BCAS3: variants seen among roughly 807,000 people sequenced by gnomAD.
BCAS3 encodes the protein BCAS3 microtubule associated cell migration factor.
Under a neutral mutation model 116.1 loss-of-function variants are expected in BCAS3, and 53 were observed. The observed-to-expected ratio is 0.46, with a 90% confidence interval of 0.37 to 0.57. The LOEUF is 0.57. Among genes scored for constraint, BCAS3 ranks in the 20% least tolerant of loss-of-function variants. The pLI is 0.00. For missense variants in BCAS3, 917 were observed against 1,165.4 expected, an observed-to-expected ratio of 0.79 and a Z score of 3.10; for synonymous variants, 391 against 408.2, an observed-to-expected ratio of 0.96 and a Z score of 0.51.
At position 60,967,949 on chromosome 17, in the gene BCAS3, TTTGTTGTTGTTG is replaced by T. The variant is rs58004084; in HGVS notation, c.1221+20615_1221+20626del. Among the ~76,000 whole-genome samples the T allele has an allele frequency of 4.6e-5, 7 of 151,370 alleles. No individual in the cohort carries two copies. The highest frequency in any genetic ancestry group is 2.6e-4 in the Admixed American group (4 of 15,210). On this transcript the variant is annotated intron_variant, in intron 14 of 23. Coordinates refer to ENST00000407086, the MANE Select transcript of BCAS3 (RefSeq NM_017679.5). This position sits in a 1 kb window ranked among gnomAD's most constrained non-coding sequence, Gnocchi z 4.7. ...AATTTCTGAATTGCTTTTCTGTGTGTTTGTTGTTGTTGTTGTTGTTGTTGTTGTTTTGGAGAT... is the reference window on the plus strand; with the variant it reads ...AATTTCTGAATTGCTTTTCTGTGTGTTTGTTGTTGTTGTTGTTTTGGAGAT...
At chr17:60,811,615 A>C (rs1216124271) in intron 7 of BCAS3, among the ~76,000 whole-genome samples, 1 of 152,258 alleles carries the variant, frequency 6.6e-6, no homozygotes, top group Non-Finnish European at 1.5e-5. Flanking sequence ...GTGTTCTAAG[A>C]ACTAAATGAA....
rs1430504791 is a variant in BCAS3 at position 61,256,404 on chromosome 17, A to G, written c.2426-111923A>G. 6.6e-6 allele frequency among the ~76,000 whole-genome samples: 1 copy of G among 152,078 alleles called. No individual in the cohort carries two copies. The highest frequency in any genetic ancestry group is 1.5e-5 in the Non-Finnish European group (1 of 68,010). ...CTGCAACCTCCGCCTCTGGGGTTCA[A>G]GTGATTCTCCTGTCTCAGCCTCCTG... On this transcript the variant is annotated intron_variant, in intron 22 of 23. Coordinates refer to ENST00000407086, the MANE Select transcript of BCAS3 (RefSeq NM_017679.5). The surrounding 1 kb of genome is among the most constrained non-coding windows in gnomAD (Gnocchi z 5.6).
chr17:60,712,155 ACT>A (rs1568076663), intron 5 of BCAS3, among the ~76,000 whole-genome samples: 2 of 151,880 alleles, frequency 1.3e-5, no homozygotes, highest in Non-Finnish European at 2.9e-5. Context: ...ACAGAGTGAG[ACT>A]CTGTCTCAAA....
At chr17:61,177,987 C>A (rs2093761189) in intron 22 of BCAS3, among the ~76,000 whole-genome samples, 1 of 152,182 alleles carries the variant, frequency 6.6e-6, no homozygotes, top group South Asian at 2.1e-4. Flanking sequence ...AATCTTTTGT[C>A]CTACATCTCT....
intron 22 of BCAS3, among the ~76,000 whole-genome samples, chr17:61,237,646 G>T (rs1009163724): frequency 6.6e-6 from 1 of 152,172 alleles, no homozygotes; most frequent in Non-Finnish European, 1.5e-5. Flanking sequence ...ACCAGCTCTG[G>T]ATACAGTACG....
chr17:61,324,309 A>G lies in BCAS3; in HGVS notation c.2426-44018A>G, dbSNP rs2055554067. On this transcript the variant is annotated intron_variant, in intron 22 of 23. Coordinates refer to ENST00000407086, the MANE Select transcript of BCAS3 (RefSeq NM_017679.5). This position sits in a 1 kb window ranked among gnomAD's most constrained non-coding sequence, Gnocchi z 4.6. The stretch of plus-strand genomic sequence containing the variant: ...AACTGAAGCCTAGAGCTAATATGTG[A>G]GGTGATCACACAGAGGATACTAGAA... 1.3e-5 allele frequency among the ~76,000 whole-genome samples: 2 copies of G among 152,234 alleles called. No homozygotes were observed. The highest frequency in any genetic ancestry group is 1.9e-4 in the East Asian group (1 of 5,198).
intron 8 of BCAS3, among the ~76,000 whole-genome samples, chr17:60,874,460 A>G (rs2055406180): frequency 6.6e-6 from 1 of 152,140 alleles, no homozygotes; most frequent in African/African-American, 2.4e-5. Flanking sequence ...TCTTATTTAT[A>G]TATAGGATTT....
At chr17:60,733,585 A>G (rs1327043607) in intron 5 of BCAS3, among the ~76,000 whole-genome samples, 1 of 152,190 alleles carries the variant, frequency 6.6e-6, no homozygotes, top group Non-Finnish European at 1.5e-5. Context: ...TGACGTCTAT[A>G]ATCCTAGCAC....
At chr17:60,951,261 G>A (rs1331313859) in intron 14 of BCAS3, among the ~76,000 whole-genome samples, 1 of 151,804 alleles carries the variant, frequency 6.6e-6, no homozygotes, top group Non-Finnish European at 1.5e-5. Flanking sequence ...ATATTGTCTA[G>A]GAATTCTAAA....
intron 6 of BCAS3, among the ~76,000 whole-genome samples, chr17:60,790,746 T>TG (rs1357037765): frequency 1.4e-5 from 2 of 147,486 alleles, no homozygotes; most frequent in Non-Finnish European, 3.0e-5. Flanking sequence ...GTAGGTTTTT[T>TG]TTTTTTTTTT....
chr17:60,776,874 G>T, intron 6 of BCAS3, among the ~76,000 whole-genome samples: 1 of 152,004 alleles, frequency 6.6e-6, no homozygotes, highest in East Asian at 1.9e-4. Flanking sequence ...AATTAGCTGG[G>T]CGTGGAGTTA....
chr17:61,019,971 C>T lies in BCAS3; in HGVS notation c.1637+4070C>T, dbSNP rs192633709. Among the ~76,000 whole-genome samples the T allele has an allele frequency of 9.9e-5, 15 of 152,138 alleles. No homozygotes were observed. Among genetic ancestry groups the T allele is most frequent in the Admixed American group, 9.2e-4 (14 of 15,292 alleles). On this transcript the variant is annotated intron_variant, in intron 16 of 23. Transcript: ENST00000407086. The surrounding 1 kb of genome is among the most constrained non-coding windows in gnomAD (Gnocchi z 5.6). ...ATGTAGAAAGAGAACACAGAGTGAC[C>T]CACTTATAGACAGGTAAATTATATT...
Position 61,098,751 on chromosome 17 carries a change from T to C in BCAS3, c.2425+14187T>C, listed in dbSNP as rs2074129279. On this transcript the variant is annotated intron_variant, in intron 22 of 23. Transcript: ENST00000407086. The surrounding 1 kb of genome is among the most constrained non-coding windows in gnomAD (Gnocchi z 4.2). The stretch of plus-strand genomic sequence containing the variant: ...TTGTGATCAGGATTTCTTTGCCAAA[T>C]GAAAACGGTAAAAGTGGAAGCATGA... 6.6e-6 allele frequency among the ~76,000 whole-genome samples: 1 copy of C among 152,170 alleles called. No individual in the cohort carries two copies. Among genetic ancestry groups the C allele is most frequent in the Admixed American group, 6.5e-5 (1 of 15,282 alleles).
At chr17:60,877,102 TATAGG>T (rs1340313270) in intron 9 of BCAS3, among the ~76,000 whole-genome samples, 1 of 152,062 alleles carries the variant, frequency 6.6e-6, no homozygotes, top group Non-Finnish European at 1.5e-5. Context: ...AAATTATTTA[TATAGG>T]ATCAGTACAG....
chr17:60,807,266 A>G (rs776798620), intron 6 of BCAS3, among the ~76,000 whole-genome samples: 9 of 152,032 alleles, frequency 5.9e-5, no homozygotes, highest in Non-Finnish European at 1.0e-4. Context: ...ATATGTTGCT[A>G]TTTAATTTGC....
chr17:60,926,215 C>A (rs2059360188), intron 13 of BCAS3, among the ~76,000 whole-genome samples: 1 of 152,152 alleles, frequency 6.6e-6, no homozygotes, highest in African/African-American at 2.4e-5. Flanking sequence ...GTAAATAAAA[C>A]TGCTCTTTTG....
At chr17:60,705,240 C>G (rs140628489) in intron 4 of BCAS3, among the ~76,000 whole-genome samples, 1 of 152,040 alleles carries the variant, frequency 6.6e-6, no homozygotes, top group African/African-American at 2.4e-5. Context: ...GAAAGAGGGC[C>G]GGGCATGGTG....
intron 6 of BCAS3, among the ~76,000 whole-genome samples, chr17:60,766,983 A>C (rs1177147292): frequency 1.3e-5 from 2 of 152,198 alleles, no homozygotes; most frequent in East Asian, 3.8e-4. Flanking sequence ...GCAAGGCTCC[A>C]TGGGCATTGG....
At position 61,187,037 on chromosome 17, in the gene BCAS3, T is replaced by C. The variant is rs578180432; in HGVS notation, c.2425+102473T>C. On this transcript the variant is annotated intron_variant, in intron 22 of 23. Transcript: ENST00000407086. Reference sequence around the variant, plus strand: ...CAGTTTCTTTATTCTTCCAGAAATGTTTTATGCAGTACACATTTGAGTAGG... The same window carrying C: ...CAGTTTCTTTATTCTTCCAGAAATGCTTTATGCAGTACACATTTGAGTAGG... Among the ~76,000 whole-genome samples, 48 of 152,288 alleles carry C rather than the reference T, an allele frequency of 3.2e-4. 1 individual carries two copies. The South Asian group carries it at 1.0e-2, about 32-fold the overall frequency.
Sources: gnomAD v4.1 joint callset for allele counts (sites outside exome capture counted in the v4.1 genomes callset) on GRCh38, gnomAD v4.1.1 for gene constraint, Gnocchi (gnomAD v3.1) non-coding constraint, MANE v1.5 for transcripts, NCBI Gene and HGNC (gene_info 2026-07-23, HGNC 2026-07-21) for gene names.